Variants in MECOM observed in about 807,000 individuals in gnomAD.
MECOM encodes MDS1 and EVI1 complex locus, also known as histone-lysine N-methyltransferase MECOM.
MECOM carries 13 observed loss-of-function variants against 116.3 expected under a neutral mutation model. The ratio of observed to expected loss-of-function variants is 0.11; its 90% CI spans 0.07 to 0.18. The LOEUF (loss-of-function observed/expected upper bound fraction) is 0.18, where lower values mean the gene tolerates loss of function less well. Ranked by LOEUF, MECOM falls within the 10% of genes least tolerant of loss-of-function variation. MECOM has a pLI of 1.00. For missense variants in MECOM, 1,299 were observed against 1,509.0 expected (o/e 0.86, Z 2.31); for synonymous variants, 528 against 535.2 (o/e 0.99, Z 0.19).
At chr3:169,578,741 C>T (rs144355034) in intron 1 of MECOM, among the ~76,000 whole-genome samples, 54 of 152,016 alleles carry the variant, frequency 3.6e-4, no homozygotes, top group African/African-American at 1.3e-3. Context: ...TTGTGGGGAC[C>T]GCTGAATTAA....
chr3:169,318,394 G>C (rs1322876417), intron 2 of MECOM, among the ~76,000 whole-genome samples: 1 of 152,078 alleles, frequency 6.6e-6, no homozygotes, highest in Non-Finnish European at 1.5e-5. Flanking sequence ...CTAATATCCA[G>C]AATCTACAAG....
At chr3:169,462,274 G>A (rs1356805545) in intron 1 of MECOM, among the ~76,000 whole-genome samples, 1 of 152,134 alleles carries the variant, frequency 6.6e-6, no homozygotes, top group African/African-American at 2.4e-5. Flanking sequence ...TTATATAGAT[G>A]TAATATTATT....
In MECOM at chr3:169,313,352, G is replaced by C. The variant is rs34216078; in HGVS notation, c.375+67835C>G. ...GAAAAATAATGCAATAGCTGGAGTG[G>C]TAAGTAGGGTCTAGTGAGATTTGTT... On this transcript the variant is annotated intron_variant, in intron 2 of 16. Transcript: ENST00000651503. Among the ~76,000 whole-genome samples, 1,758 of 152,316 alleles carry C rather than the reference G, an allele frequency of 0.012. 81 individuals carry two copies. In the East Asian group the frequency reaches 0.17, roughly 15 times the overall value.
intron 2 of MECOM, among the ~76,000 whole-genome samples, chr3:169,299,805 C>T (rs1716357909): frequency 6.6e-6 from 1 of 152,198 alleles, no homozygotes; most frequent in South Asian, 2.1e-4. Context: ...GCTATTTGGT[C>T]TCCTGCTCTT....
At chr3:169,482,332 T>TC (rs1751428734) in intron 1 of MECOM, among the ~76,000 whole-genome samples, 1 of 141,218 alleles carries the variant, frequency 7.1e-6, no homozygotes, top group African/African-American at 2.7e-5. Context: ...CACGTTCTTT[T>TC]TTTTTTTTTT....
intron 1 of MECOM, among the ~76,000 whole-genome samples, chr3:169,610,075 T>C (rs1335943129): frequency 6.6e-6 from 1 of 152,214 alleles, no homozygotes; most frequent in Non-Finnish European, 1.5e-5. Flanking sequence ...TTTGTACTCT[T>C]ATAATCACCT....
At chr3:169,548,631 T>G (rs972182838) in intron 1 of MECOM, among the ~76,000 whole-genome samples, 2 of 152,192 alleles carry the variant, frequency 1.3e-5, no homozygotes, top group Admixed American at 6.5e-5. Context: ...CTACAGTTCA[T>G]GAAAGGGACA....
intron 9 of MECOM, among the ~76,000 whole-genome samples, chr3:169,112,266 G>A (rs1277081342): frequency 1.3e-5 from 2 of 152,084 alleles, no homozygotes. Context: ...TCTGCAAATA[G>A]CACTGTGCAT....
chr3:169,314,953 C>G (rs1398635568), intron 2 of MECOM, among the ~76,000 whole-genome samples: 1 of 152,150 alleles, frequency 6.6e-6, no homozygotes, highest in Non-Finnish European at 1.5e-5. Flanking sequence ...TAAGTAACTA[C>G]TATGTGGAAA....
In MECOM at chr3:169,467,942, A is replaced by C. The variant is rs139538876; in HGVS notation, c.38-86418T>G. ...CTTTAAATGTGTTAAAAGGCTTCTA[A>C]GATCTGAAAACGTTTGGTGCTTTGC... On this transcript the variant is annotated intron_variant, in intron 1 of 16. Transcript: ENST00000651503. Among the ~76,000 whole-genome samples the C allele has an allele frequency of 3.5e-3, 530 of 152,280 alleles. 5 individuals carry two copies. Among genetic ancestry groups the C allele is most frequent in the African/African-American group, 0.012 (494 of 41,556 alleles).
intron 2 of MECOM, among the ~76,000 whole-genome samples, chr3:169,300,628 C>T (rs1168614863): frequency 6.6e-6 from 1 of 152,198 alleles, no homozygotes. Flanking sequence ...CATGTACCTT[C>T]TAAGTGTTCT....
intron 2 of MECOM, among the ~76,000 whole-genome samples, chr3:169,172,195 T>C (rs1744520567): frequency 6.6e-6 from 1 of 152,166 alleles, no homozygotes. Flanking sequence ...GTGTAAGAAC[T>C]GGATGGTAGA....
At chr3:169,450,582 G>A (rs1233951403) in intron 1 of MECOM, among the ~76,000 whole-genome samples, 26 of 146,250 alleles carry the variant, frequency 1.8e-4, no homozygotes, top group African/African-American at 5.8e-4. Flanking sequence ...AGGACAAAAC[G>A]AAAAAAAAAA....
intron 1 of MECOM, among the ~76,000 whole-genome samples, chr3:169,568,064 G>A (rs769871727): frequency 1.3e-5 from 2 of 152,134 alleles, no homozygotes; most frequent in South Asian, 2.1e-4. Flanking sequence ...TGCAGCCCAC[G>A]GAGGGTGAGC....
intron 1 of MECOM, among the ~76,000 whole-genome samples, chr3:169,422,178 G>A (rs1273343367): frequency 2.0e-5 from 3 of 152,036 alleles, no homozygotes; most frequent in Non-Finnish European, 4.4e-5. Context: ...CAGAGTTCTA[G>A]CTGAGACTTT....
intron 1 of MECOM, among the ~76,000 whole-genome samples, chr3:169,414,385 T>C (rs1738163182): frequency 6.6e-6 from 1 of 151,924 alleles, no homozygotes; most frequent in African/African-American, 2.4e-5. Context: ...CATCCAAAGA[T>C]GGAGCAAAGA....
At chr3:169,520,815 T>G (rs1217277214) in intron 1 of MECOM, among the ~76,000 whole-genome samples, 2 of 152,194 alleles carry the variant, frequency 1.3e-5, no homozygotes, top group African/African-American at 4.8e-5. Flanking sequence ...TAAGAGTGTG[T>G]GACTTAGTGG....
At chr3:169,136,702 G>A (rs985531951) in intron 3 of MECOM, among the ~76,000 whole-genome samples, 1 of 152,066 alleles carries the variant, frequency 6.6e-6, no homozygotes, top group Non-Finnish European at 1.5e-5. Flanking sequence ...TCTGGAATCT[G>A]TCAGATTCTT....
chr3:169,501,085 A>C (rs975234410), intron 1 of MECOM, among the ~76,000 whole-genome samples: 2 of 152,050 alleles, frequency 1.3e-5, no homozygotes, highest in Non-Finnish European at 2.9e-5. Flanking sequence ...GCCTGCATTA[A>C]GGTACCTATA....
Sources: gnomAD v4.1 joint callset for allele counts (sites outside exome capture counted in the v4.1 genomes callset) on GRCh38, gnomAD v4.1.1 for gene constraint, MANE v1.5 for transcripts, NCBI Gene and HGNC (gene_info 2026-07-23, HGNC 2026-07-21) for gene names.